Variants in SMARCC2 observed in about 807,000 individuals in gnomAD.
SMARCC2 encodes SWI/SNF related BAF chromatin remodeling complex subunit C2.
Under a neutral mutation model 151.3 loss-of-function variants are expected in SMARCC2, and 15 were observed. The ratio of observed to expected loss-of-function variants is 0.10; its 90% CI spans 0.07 to 0.15. The LOEUF (loss-of-function observed/expected upper bound fraction) is 0.15. SMARCC2 is among the 10% of genes least tolerant of loss of function. The pLI, the probability that SMARCC2 is intolerant of heterozygous loss-of-function variation, is 1.00. For missense variants in SMARCC2, 1,031 were observed against 1,599.7 expected (o/e 0.64, Z 6.06); for synonymous variants, 590 against 609.5 (o/e 0.97, Z 0.47).
intron 17 of SMARCC2, among the ~76,000 whole-genome samples, 175 bp from the exon 18 acceptor site, chr12:56,173,204 T>C (rs953911310): frequency 1.3e-5 from 2 of 152,224 alleles, no homozygotes; most frequent in Non-Finnish European, 2.9e-5. Flanking sequence ...TCCATACATA[T>C]TCACATTATC....
In SMARCC2 at chr12:56,172,940, C is replaced by T; in HGVS notation, c.1740G>A (p.Glu580=). The T allele has an allele frequency of 6.2e-6, 10 of 1,613,380 alleles. No individual in the cohort carries two copies. Among genetic ancestry groups the T allele is most frequent in the Non-Finnish European group, 8.5e-6 (10 of 1,180,018 alleles). The change falls in exon 18 of 29, where the codon GAG becomes GAA. Residue 580 remains glutamate, a synonymous_variant. Transcript: ENST00000550164. The part of the protein sequence containing the change: ...LVPETAKGKP[E]LQTSASQQML... ...GCAGGGTCTGCACCCCACCTACCAG[C>T]TCTGGCTTGCCCTTAGCCGTCTCTG...
chr12:56,174,786 A>C, intron 15 of SMARCC2, 22 bp from the exon 16 acceptor site: 2 of 1,455,394 alleles, frequency 1.4e-6, no homozygotes, highest in East Asian at 4.5e-5. Flanking sequence ...GAGAGAGAGA[A>C]ACAAGAAGAA....
intron 20 of SMARCC2, 73 bp from the exon 21 acceptor site, chr12:56,172,010 C>T (rs1437295704): frequency 7.0e-7 from 1 of 1,424,360 alleles, no homozygotes; most frequent in South Asian, 1.3e-5. Flanking sequence ...CCCCATCCTA[C>T]TAAGGGCAGC....
Position 56,182,107 on chromosome 12 carries a change from G to C in SMARCC2, c.633-28C>G, listed in dbSNP as rs117495605. ...GCCATGGGAAATTGAGCACACAGTA[G>C]AATCAATGGGATAGAATTGTGGAAA... On this transcript the variant is annotated intron_variant, in intron 7 of 28. Coordinates refer to ENST00000550164, the MANE Select transcript of SMARCC2 (RefSeq NM_001330288.2). The C allele has an allele frequency of 9.1e-3, 13,653 of 1,501,110 alleles. 91 individuals carry two copies. The highest frequency in any genetic ancestry group is 0.011 in the Non-Finnish European group (11,376 of 1,082,300). The allele number at this position is 1,501,110 out of a possible 1,614,324, so 93.0% of individuals were successfully genotyped here.
intron 3 of SMARCC2, chr12:56,185,909 A>G (rs910852933): frequency 1.4e-5 from 7 of 516,522 alleles, no homozygotes; most frequent in African/African-American, 5.8e-5. Flanking sequence ...GGACAAAAAA[A>G]GGTTTGAGAT....
intron 7 of SMARCC2, 68 bp from the exon 8 acceptor site, chr12:56,182,147 C>T (rs759558606): frequency 6.3e-5 from 67 of 1,061,746 alleles, no homozygotes; most frequent in Non-Finnish European, 9.3e-5. Flanking sequence ...AAGTGCAGAT[C>T]TTTTACCCTT....
intron 10 of SMARCC2, 145 bp from the exon 11 acceptor site, chr12:56,181,246 G>A: frequency 1.2e-6 from 1 of 800,096 alleles, no homozygotes; most frequent in Admixed American, 2.9e-5. Flanking sequence ...ACAGTAATGG[G>A]AAGTGGCAAA....
intron 27 of SMARCC2, 67 bp from the exon 28 acceptor site, chr12:56,164,798 A>ATT: frequency 1.1e-5 from 13 of 1,154,474 alleles, no homozygotes; most frequent in African/African-American, 1.6e-5. Context: ...CACCTTTTCT[A>ATT]TTTTTTTTTT....
chr12:56,170,374 G>A (rs1045800220), intron 22 of SMARCC2, among the ~76,000 whole-genome samples, 166 bp from the exon 23 acceptor site: 8 of 152,054 alleles, frequency 5.3e-5, no homozygotes, highest in Non-Finnish European at 1.0e-4. Context: ...GAGCAGCTTG[G>A]ACTATGGGTG....
At position 56,167,889 on chromosome 12, in the gene SMARCC2, A is replaced by AACACAC. The variant is rs57344405; in HGVS notation, c.2850+165_2850+170dup. On this transcript the variant is annotated intron_variant, in intron 26 of 28. Transcript: ENST00000550164. The stretch of plus-strand genomic sequence containing the variant: ...CCCACTGTTGCTTATCTTTCACTGA[A>AACACAC]ACACACACACACACACACACACTCA... Among the ~76,000 whole-genome samples, 4,101 of 132,602 alleles carry AACACAC rather than the reference A, an allele frequency of 0.031. 255 individuals are homozygous for AACACAC. The highest frequency in any genetic ancestry group is 0.11 in the African/African-American group (3,841 of 34,302). The allele number at this position is 132,602 out of a possible 152,430, so 87.0% of individuals were successfully genotyped here. A position where few individuals can be genotyped will look rare whatever the true frequency, so the allele number is the denominator to read the frequency against.
At chr12:56,169,051 T>G (rs1353206583) in intron 25 of SMARCC2, among the ~76,000 whole-genome samples, 1 of 151,836 alleles carries the variant, frequency 6.6e-6, no homozygotes, top group African/African-American at 2.4e-5. Context: ...TCCAGCAGTT[T>G]GGGAGGCCAA....
chr12:56,165,570 G>C lies in SMARCC2; in HGVS notation c.2980C>G (p.Pro994Ala). 1 of 1,613,516 alleles carries C rather than the reference G, an allele frequency of 6.2e-7. No individual in the cohort carries two copies. The highest frequency in any genetic ancestry group is 1.1e-5 in the South Asian group (1 of 91,082). Reference protein sequence around the residue: ...QMHQQQQQPPPALPPGSQPIP... With the variant: ...QMHQQQQQPPAALPPGSQPIP... ...GGCTGGGAGCCTGGGGGCAGGGCTG[G>C]TGGTGGCTGCTGCTGCTGTTGGTGC... is the stretch of plus-strand genomic sequence containing the variant. The change falls in exon 27 of 29, where the codon CCA (proline) becomes GCA (alanine). Residue 994 changes from proline (P) to alanine (A), a missense_variant. By Grantham distance (27) the Pro-to-Ala change is conservative. Coordinates refer to ENST00000550164, the MANE Select transcript of SMARCC2 (RefSeq NM_001330288.2).
At chr12:56,179,126 G>T in intron 11 of SMARCC2, 70 bp from the exon 12 acceptor site, 1 of 1,355,406 alleles carries the variant, frequency 7.4e-7, no homozygotes, top group South Asian at 1.2e-5. Context: ...AATAGTTCCA[G>T]ACATCCTACT....
chr12:56,181,149 G>A, intron 10 of SMARCC2, 48 bp from the exon 11 acceptor site: 1 of 1,580,072 alleles, frequency 6.3e-7, no homozygotes, highest in Admixed American at 1.9e-5. Context: ...CTTGGACAAG[G>A]AGTCCCTGGA....
intron 16 of SMARCC2, 39 bp from the exon 17 acceptor site, chr12:56,173,888 C>A: frequency 6.3e-7 from 1 of 1,576,970 alleles, no homozygotes; most frequent in Non-Finnish European, 8.7e-7. Flanking sequence ...ACACGGATAG[C>A]CAGAAAGGTG....
At chr12:56,180,022 A>G (rs1875836974) in intron 11 of SMARCC2, among the ~76,000 whole-genome samples, 1 of 151,622 alleles carries the variant, frequency 6.6e-6, no homozygotes, top group Non-Finnish European at 1.5e-5. Flanking sequence ...ACATTTTTCA[A>G]TTTTTTAGAT....
At chr12:56,164,765 G>A in intron 27 of SMARCC2, 34 bp from the exon 28 acceptor site, 1 of 1,517,016 alleles carries the variant, frequency 6.6e-7, no homozygotes. Flanking sequence ...AGAAAATTAG[G>A]TATAAAATTT....
chr12:56,165,199 C>G (rs1872553402), intron 27 of SMARCC2, 119 bp downstream of exon 27: 15 of 1,261,546 alleles, frequency 1.2e-5, no homozygotes, highest in Non-Finnish European at 1.5e-5. Context: ...GAGATGGGCC[C>G]ATCTGTAGAA....
intron 15 of SMARCC2, among the ~76,000 whole-genome samples, chr12:56,176,436 G>T (rs1874982457): frequency 6.6e-6 from 1 of 152,184 alleles, no homozygotes; most frequent in South Asian, 2.1e-4. Context: ...AAAGAAGACT[G>T]CCATGTCTTA....
Sources: gnomAD v4.1 joint callset for allele counts (sites outside exome capture counted in the v4.1 genomes callset) on GRCh38, gnomAD v4.1.1 for gene constraint, MANE v1.5 for transcripts, NCBI Gene and HGNC (gene_info 2026-07-23, HGNC 2026-07-21) for gene names.